ITGB6: variants seen among roughly 807,000 people sequenced by gnomAD.
ITGB6 encodes integrin subunit beta 6.
Under a neutral mutation model 84.5 loss-of-function variants are expected in ITGB6, and 80 were observed. That is an observed-to-expected ratio of 0.95 (90% CI 0.79 to 1.14). The LOEUF (loss-of-function observed/expected upper bound fraction) is 1.14. Ranked by LOEUF, ITGB6 falls within the 50% of genes most tolerant of loss-of-function variation. ITGB6 has a pLI of 0.00. For missense variants in ITGB6, 1,006 were observed against 968.0 expected (o/e 1.04, Z -0.52); for synonymous variants, 383 against 354.9 (o/e 1.08, Z -0.89).
intron 4 of ITGB6, among the ~76,000 whole-genome samples, chr2:160,184,959 A>G (rs1331708359): frequency 6.6e-6 from 1 of 152,220 alleles, no homozygotes; most frequent in Non-Finnish European, 1.5e-5. Flanking sequence ...TCAATAAACT[A>G]GGTATTGATG....
At chr2:160,180,053 C>A (rs1574128772) in intron 4 of ITGB6, among the ~76,000 whole-genome samples, 1 of 141,348 alleles carries the variant, frequency 7.1e-6, no homozygotes, top group African/African-American at 2.7e-5. Flanking sequence ...GCAGAGGTTG[C>A]AATGAGCCAA....
intron 4 of ITGB6, among the ~76,000 whole-genome samples, chr2:160,193,521 A>G (rs1377354489): frequency 2.0e-5 from 3 of 152,382 alleles, no homozygotes; most frequent in South Asian, 4.1e-4. Context: ...AATATTCTAC[A>G]TCATGTTTTG....
In ITGB6 at chr2:160,195,506, T is replaced by C. The variant is rs1415659289; in HGVS notation, c.456A>G (p.Ile152Met). 3 of 1,614,044 alleles carry C rather than the reference T, an allele frequency of 1.9e-6. No homozygotes were observed. The highest frequency in any genetic ancestry group is 2.5e-6 in the Non-Finnish European group (3 of 1,180,016). Residue 152 changes from isoleucine to methionine, a missense_variant, in exon 4 of 15, where the codon ATA (isoleucine) becomes ATG (methionine). Physicochemically the swap from Ile to Met is conservative, Grantham distance 10. Coordinates refer to ENST00000283249, the MANE Select transcript of ITGB6 (RefSeq NM_000888.5). ...TGGAAAGCCGGGAGCCCAGCTCCTTTATTGTGTTGAGGTCGTCATCCATGG... is the reference window on the plus strand; with the variant it reads ...TGGAAAGCCGGGAGCCCAGCTCCTTCATTGTGTTGAGGTCGTCATCCATGG... ...SASMDDDLNT[I>M]KELGSRLSKE...
chr2:160,174,855 A>T (rs574982052), intron 4 of ITGB6, among the ~76,000 whole-genome samples: 15 of 152,330 alleles, frequency 9.8e-5, no homozygotes, highest in Non-Finnish European at 1.5e-5. Context: ...GGATTTTAAA[A>T]TGCGGATAAT....
At chr2:160,165,862 G>T (rs777472942) in intron 7 of ITGB6, among the ~76,000 whole-genome samples, 23 of 152,310 alleles carry the variant, frequency 1.5e-4, no homozygotes, top group Middle Eastern at 6.8e-3. Flanking sequence ...GCTGCAGAAG[G>T]TTCTGGCAAT....
intron 6 of ITGB6, among the ~76,000 whole-genome samples, chr2:160,169,825 G>A (rs2290706): frequency 0.13 from 19,658 of 152,092 alleles, 2,459 homozygotes; most frequent in East Asian, 0.45. Flanking sequence ...CCTTGGGTTT[G>A]GTTTTACTGC....
intron 4 of ITGB6, among the ~76,000 whole-genome samples, chr2:160,194,505 A>G (rs1410543147): frequency 6.6e-6 from 1 of 152,010 alleles, no homozygotes; most frequent in African/African-American, 2.4e-5. Flanking sequence ...TGGATTAGTC[A>G]TGTGGCCCTG....
Position 160,177,093 on chromosome 2 carries a change from G to T in ITGB6, c.594-2954C>A, listed in dbSNP as rs368675372. ...TATTAGTGTATGGCATGGCATCATT[G>T]TTTTTTTTAAAAAAAACTATACTAG... On this transcript the variant is annotated intron_variant, in intron 4 of 14. Coordinates refer to ENST00000283249, the MANE Select transcript of ITGB6 (RefSeq NM_000888.5). 6.6e-5 allele frequency among the ~76,000 whole-genome samples: 10 copies of T among 151,382 alleles called. No homozygotes were observed. The South Asian group carries it at 2.1e-3, about 32-fold the overall frequency.
intron 7 of ITGB6, 23 bp from the exon 8 acceptor site, chr2:160,142,094 T>A (rs1340663330): frequency 1.4e-6 from 2 of 1,452,570 alleles, no homozygotes; most frequent in African/African-American, 1.4e-5. Flanking sequence ...AAAGAGTAAG[T>A]CAATCTTTGT....
At chr2:160,122,268 A>C (rs1485753386) in intron 12 of ITGB6, among the ~76,000 whole-genome samples, 1 of 152,196 alleles carries the variant, frequency 6.6e-6, no homozygotes, top group African/African-American at 2.4e-5. Flanking sequence ...CTGGAGCCCT[A>C]GTCTTCCTCT....
chr2:160,122,065 GA>G (rs1398831724), intron 12 of ITGB6, among the ~76,000 whole-genome samples: 2 of 152,030 alleles, frequency 1.3e-5, no homozygotes, highest in African/African-American at 4.8e-5. Flanking sequence ...AGGCTCATTA[GA>G]AAAGTGGCTT....
chr2:160,148,871 T>C (rs1684296047), intron 7 of ITGB6, among the ~76,000 whole-genome samples: 1 of 152,230 alleles, frequency 6.6e-6, no homozygotes, highest in Non-Finnish European at 1.5e-5. Context: ...GAGATCGATC[T>C]GCGAGACAGC....
chr2:160,188,768 T>A (rs933802331), intron 4 of ITGB6, among the ~76,000 whole-genome samples: 3 of 152,036 alleles, frequency 2.0e-5, no homozygotes, highest in African/African-American at 7.2e-5. Flanking sequence ...CATGCCTGGC[T>A]AATTTTTTTG....
chr2:160,183,396 G>C (rs1351115042), intron 4 of ITGB6, among the ~76,000 whole-genome samples: 13 of 151,940 alleles, frequency 8.6e-5, no homozygotes, highest in African/African-American at 2.7e-4. Flanking sequence ...ACAAAGAAGG[G>C]CATTACATAA....
intron 7 of ITGB6, among the ~76,000 whole-genome samples, chr2:160,156,508 A>G (rs1442052157): frequency 6.6e-6 from 1 of 152,110 alleles, no homozygotes; most frequent in East Asian, 1.9e-4. Context: ...AGTGGACCAC[A>G]TTGCTTTTTA....
chr2:160,131,708 A>G (rs1470717435), intron 10 of ITGB6, among the ~76,000 whole-genome samples: 3 of 152,202 alleles, frequency 2.0e-5, no homozygotes, highest in South Asian at 2.1e-4. Flanking sequence ...AGAAACAGTA[A>G]TGGTTGAAGG....
chr2:160,196,109 G>T, intron 3 of ITGB6, 107 bp downstream of exon 3: 2 of 945,972 alleles, frequency 2.1e-6, no homozygotes, highest in Non-Finnish European at 3.3e-6. Context: ...GGAAATTCGA[G>T]TCATAATAAT....
chr2:160,160,933 G>A (rs1046945995), intron 7 of ITGB6, among the ~76,000 whole-genome samples: 1 of 152,144 alleles, frequency 6.6e-6, no homozygotes, highest in African/African-American at 2.4e-5. Flanking sequence ...ACAGCTTTGA[G>A]CAGTTAGCAG....
chr2:160,117,197 T>A (rs1682820934), intron 12 of ITGB6, among the ~76,000 whole-genome samples: 1 of 152,008 alleles, frequency 6.6e-6, no homozygotes, highest in African/African-American at 2.4e-5. Context: ...CCACCCCAAA[T>A]CAACAGAATA....
Sources: allele counts gnomAD v4.1 joint callset (sites outside exome capture counted in the v4.1 genomes callset), GRCh38; gene constraint gnomAD v4.1.1; transcripts MANE v1.5; gene names NCBI Gene and HGNC (gene_info 2026-07-23, HGNC 2026-07-21).